The following FOXN1 variants were observed in gnomAD, a reference collection of about 807,000 sequenced individuals.
The protein encoded by FOXN1 is forkhead box protein N1.
A neutral mutation model predicts 49.0 loss-of-function variants in FOXN1; 15 were observed. That is an observed-to-expected ratio of 0.31 (90% CI 0.20 to 0.47). FOXN1 has a LOEUF of 0.47. FOXN1 is among the 20% of genes least tolerant of loss of function. The pLI is 1.00. For missense variants in FOXN1, 800 were observed against 842.8 expected, an observed-to-expected ratio of 0.95 and a Z score of 0.63; for synonymous variants, 356 against 369.0, an observed-to-expected ratio of 0.96 and a Z score of 0.40.
At chr17:28,532,653 A>AT (rs2069940612) in intron 6 of FOXN1, among the ~76,000 whole-genome samples, 1 of 152,136 alleles carries the variant, frequency 6.6e-6, no homozygotes, top group Non-Finnish European at 1.5e-5. Flanking sequence ...TTTGAAGATC[A>AT]TTTTTCTGGG....
chr17:28,513,407 A>G (rs1334560790), intron 1 of FOXN1, among the ~76,000 whole-genome samples: 2 of 152,232 alleles, frequency 1.3e-5, no homozygotes, highest in Non-Finnish European at 2.9e-5. Flanking sequence ...AAAATAAAAC[A>G]TTCATCTATC....
At position 28,528,953 on chromosome 17, in the gene FOXN1, T is replaced by G. The variant is rs634065; in HGVS notation, c.700-141T>G. On this transcript the variant is annotated intron_variant, in intron 4 of 8. Transcript: ENST00000579795. Reference sequence around the variant, plus strand: ...CTCACAGCCCCTCAGACAGCTCTGCTTTGGGGGTGATGGGGCCCATGACCC... The same window carrying G: ...CTCACAGCCCCTCAGACAGCTCTGCGTTGGGGGTGATGGGGCCCATGACCC... The G allele has an allele frequency of 0.37, 385,241 of 1,035,784 alleles. 72,322 individuals carry two copies. Among genetic ancestry groups the G allele is most frequent in the African/African-American group, 0.48 (30,644 of 63,218 alleles). 64.2% of individuals were successfully genotyped at this position (1,035,784 alleles called of 1,614,324 possible).
At chr17:28,526,854 C>T (rs901800988) in intron 3 of FOXN1, among the ~76,000 whole-genome samples, 3 of 152,188 alleles carry the variant, frequency 2.0e-5, no homozygotes, top group Admixed American at 2.0e-4. Flanking sequence ...GAGCTGTGAC[C>T]TTTTCCTGGT....
intron 4 of FOXN1, among the ~76,000 whole-genome samples, chr17:28,528,226 A>T (rs1372210006): frequency 6.6e-6 from 1 of 152,228 alleles, no homozygotes; most frequent in Admixed American, 6.5e-5. Flanking sequence ...GGAAGCAAAG[A>T]GAAGGCATGA....
At position 28,530,678 on chromosome 17, in the gene FOXN1, G is replaced by A. The variant is rs560693790; in HGVS notation, c.831-71G>A. 3 of 831,914 alleles carry A rather than the reference G, an allele frequency of 3.6e-6. No individual in the cohort carries two copies. The East Asian group carries it at 7.3e-5, about 20-fold the overall frequency. 51.5% of individuals were successfully genotyped at this position (831,914 alleles called of 1,614,324 possible). On this transcript the variant is annotated intron_variant, in intron 5 of 8. Coordinates refer to ENST00000579795, the MANE Select transcript of FOXN1 (RefSeq NM_001369369.1). ...CAATCCCATAGAGCCTCTCACCAGG[G>A]GTGGGGGGCTTGGGGTGGGCTCAGG...
In FOXN1 at chr17:28,533,262, G is replaced by C. The variant is rs188578989; in HGVS notation, c.928-1069G>C. On this transcript the variant is annotated intron_variant, in intron 6 of 8. Coordinates refer to ENST00000579795, the MANE Select transcript of FOXN1 (RefSeq NM_001369369.1). ...GAGGGCGAAGGAGCCCCACCGGCCA[G>C]AGCGAGTGCCCTACCCACAGTCAGC... Among the ~76,000 whole-genome samples, 469 of 152,320 alleles carry C rather than the reference G, an allele frequency of 3.1e-3. 4 individuals carry two copies. The highest frequency in any genetic ancestry group is 2.9e-3 in the East Asian group (15 of 5,170).
intron 1 of FOXN1, among the ~76,000 whole-genome samples, chr17:28,517,163 C>CCACACCTCCACAGGGTA: frequency 1.1e-5 from 1 of 93,938 alleles, no homozygotes; most frequent in Non-Finnish European, 2.3e-5. Context: ...TCCACAGGAT[C>CCACACCTCCACAGGGTA]CACACCTCCA....
At chr17:28,511,227 G>C (rs1466350911) in intron 1 of FOXN1, among the ~76,000 whole-genome samples, 1 of 152,214 alleles carries the variant, frequency 6.6e-6, no homozygotes, top group African/African-American at 2.4e-5. Flanking sequence ...CATTGGGAGA[G>C]GAGGTGCACC....
At chr17:28,510,365 GAGAGACACACAC>G (rs372986021) in intron 1 of FOXN1, among the ~76,000 whole-genome samples, 2,494 of 151,472 alleles carry the variant, frequency 0.016, 62 homozygotes, top group African/African-American at 0.049. Context: ...TATACATACA[GAGAGACACACAC>G]AGAGACACAC....
chr17:28,524,150 CAAG>C, intron 2 of FOXN1, 58 bp downstream of exon 2: 2 of 1,521,186 alleles, frequency 1.3e-6, no homozygotes, highest in Non-Finnish European at 1.8e-6. Flanking sequence ...GCCCAGGCAA[CAAG>C]AAGACCAGTC....
chr17:28,526,320 A>C (rs1271902648), intron 3 of FOXN1, among the ~76,000 whole-genome samples: 5 of 152,190 alleles, frequency 3.3e-5, no homozygotes, highest in African/African-American at 1.2e-4. Context: ...TCTCTGCATC[A>C]ACAACCCCAG....
chr17:28,512,745 A>G (rs1378332478), intron 1 of FOXN1, among the ~76,000 whole-genome samples: 2 of 152,118 alleles, frequency 1.3e-5, no homozygotes, highest in Non-Finnish European at 2.9e-5. Flanking sequence ...TGGGAGCAAG[A>G]TGTTGGGGTA....
At chr17:28,530,229 T>G (rs1316728447) in intron 5 of FOXN1, among the ~76,000 whole-genome samples, 2 of 151,492 alleles carry the variant, frequency 1.3e-5, no homozygotes, top group African/African-American at 4.9e-5. Context: ...AAGAAAAAAA[T>G]GTCAGGGTTT....
At chr17:28,537,077 G>A (rs1411347099) in intron 8 of FOXN1, 40 bp from the exon 9 acceptor site, 1 of 1,528,544 alleles carries the variant, frequency 6.5e-7, no homozygotes, top group East Asian at 2.2e-5. Flanking sequence ...GGCTCCTCCG[G>A]TGCCTCCCAG....
At chr17:28,523,348 C>T (rs928902723) in intron 1 of FOXN1, among the ~76,000 whole-genome samples, 2 of 152,180 alleles carry the variant, frequency 1.3e-5, no homozygotes, top group Non-Finnish European at 2.9e-5. Flanking sequence ...CAACCGGGGG[C>T]CTTTGGGTCC....
intron 1 of FOXN1, among the ~76,000 whole-genome samples, chr17:28,523,300 A>T (rs1453535457): frequency 6.6e-6 from 1 of 152,202 alleles, no homozygotes; most frequent in East Asian, 1.9e-4. Flanking sequence ...GTGGGTGGTG[A>T]CATCGTCAGG....
At chr17:28,510,260 GCA>G (rs2069360628) in intron 1 of FOXN1, among the ~76,000 whole-genome samples, 1 of 152,008 alleles carries the variant, frequency 6.6e-6, no homozygotes, top group Non-Finnish European at 1.5e-5. Flanking sequence ...ACAAACTACA[GCA>G]CAGAGACACA....
intron 3 of FOXN1, among the ~76,000 whole-genome samples, chr17:28,526,394 GC>G (rs1276263995): frequency 6.6e-6 from 1 of 152,222 alleles, no homozygotes; most frequent in Non-Finnish European, 1.5e-5. Context: ...GTTTCCCAAG[GC>G]CCCTGGTAAC....
At chr17:28,531,313 G>T (rs113368140) in intron 6 of FOXN1, among the ~76,000 whole-genome samples, 5 of 152,312 alleles carry the variant, frequency 3.3e-5, no homozygotes, top group African/African-American at 1.2e-4. Context: ...CTCTGTGGGT[G>T]GCAGGCTCAG....
Sources: gnomAD v4.1 joint callset for allele counts (sites outside exome capture counted in the v4.1 genomes callset) on GRCh38, gnomAD v4.1.1 for gene constraint, MANE v1.5 for transcripts, NCBI Gene and HGNC (gene_info 2026-07-23, HGNC 2026-07-21) for gene names.